PCYT1A: variants seen among roughly 807,000 people sequenced by gnomAD.
The protein encoded by PCYT1A is phosphate cytidylyltransferase 1A, choline.
PCYT1A carries 25 observed loss-of-function variants against 43.7 expected under a neutral mutation model. That is an observed-to-expected ratio of 0.57 (90% confidence interval 0.42 to 0.80). The LOEUF is 0.80. Among genes scored for constraint, PCYT1A ranks in the 30% least tolerant of loss-of-function variants. The pLI, the probability that PCYT1A is intolerant of heterozygous loss-of-function variation, is 0.00. For missense variants in PCYT1A, 421 were observed against 474.2 expected, an observed-to-expected ratio of 0.89 and a Z score of 1.04; for synonymous variants, 172 against 170.7, an observed-to-expected ratio of 1.01 and a Z score of -0.06.
chr3:196,274,124 C>T (rs1577374096), intron 1 of PCYT1A, among the ~76,000 whole-genome samples: 1 of 152,252 alleles, frequency 6.6e-6, no homozygotes, highest in African/African-American at 2.4e-5. Flanking sequence ...CAGGCTTGGC[C>T]TCAACTTTGC....
chr3:196,262,700 A>T (rs1484884396), intron 2 of PCYT1A, among the ~76,000 whole-genome samples: 1 of 152,102 alleles, frequency 6.6e-6, no homozygotes, highest in Non-Finnish European at 1.5e-5. Context: ...TGGCATCCAC[A>T]CTAACAGGAA....
At chr3:196,276,297 T>A (rs1725589934) in intron 1 of PCYT1A, among the ~76,000 whole-genome samples, 1 of 151,892 alleles carries the variant, frequency 6.6e-6, no homozygotes, top group African/African-American at 2.4e-5. Flanking sequence ...TAAACAACTA[T>A]TATTTATCAA....
chr3:196,246,799 G>A (rs1330643900), intron 5 of PCYT1A, among the ~76,000 whole-genome samples: 1 of 152,212 alleles, frequency 6.6e-6, no homozygotes, highest in African/African-American at 2.4e-5. Flanking sequence ...TGCCTATGGT[G>A]TGGGGGGAAG....
chr3:196,256,397 G>C (rs1199254646), intron 3 of PCYT1A, among the ~76,000 whole-genome samples: 1 of 152,060 alleles, frequency 6.6e-6, no homozygotes, highest in Non-Finnish European at 1.5e-5. Context: ...GGCTGGGGCA[G>C]AAGAATTGCT....
chr3:196,246,474 G>A (rs867580308), intron 5 of PCYT1A, among the ~76,000 whole-genome samples: 11 of 151,862 alleles, frequency 7.2e-5, no homozygotes, highest in South Asian at 4.2e-4. Context: ...GGGCTCAAGC[G>A]ATCCTCCCAC....
At chr3:196,258,285 CAAAA>C (rs201725120) in intron 2 of PCYT1A, among the ~76,000 whole-genome samples, 1 of 114,824 alleles carries the variant, frequency 8.7e-6, no homozygotes, top group Non-Finnish European at 1.9e-5. Context: ...GACTCCACCT[CAAAA>C]AAAAAAAAAA....
At chr3:196,262,407 GGCACTCGACGAATTTGTCGTTA>G (rs1484813984) in intron 2 of PCYT1A, among the ~76,000 whole-genome samples, 2 of 152,160 alleles carry the variant, frequency 1.3e-5, no homozygotes, top group African/African-American at 4.8e-5. Context: ...CACAAAAGTA[GGCACTCGACGAATTTGTCGTTA>G]GCTCATTTCC....
intron 1 of PCYT1A, among the ~76,000 whole-genome samples, chr3:196,279,360 A>G (rs1029930336): frequency 2.0e-5 from 3 of 151,762 alleles, no homozygotes; most frequent in African/African-American, 7.3e-5. Context: ...ACTGCTGCCT[A>G]TTCACTCCCT....
chr3:196,280,518 A>T (rs1030803651), intron 1 of PCYT1A, among the ~76,000 whole-genome samples: 2 of 149,840 alleles, frequency 1.3e-5, no homozygotes, highest in Non-Finnish European at 3.0e-5. Flanking sequence ...TTATTATACA[A>T]TATTGGTTTT....
At chr3:196,256,484 T>C (rs1031714699) in intron 3 of PCYT1A, among the ~76,000 whole-genome samples, 4 of 152,110 alleles carry the variant, frequency 2.6e-5, no homozygotes, top group Admixed American at 6.5e-5. Context: ...AGTGAGACTC[T>C]GCCTCAAAAG....
rs1415909044 is a variant in PCYT1A at position 196,235,427 on chromosome 3, T to G, written c.*3261A>C. ...TTTCTCTTCTTCAGGATTTTCAACCTCCTCACATCCCTAACTTTCTTACCC... is the reference window on the plus strand; with the variant it reads ...TTTCTCTTCTTCAGGATTTTCAACCGCCTCACATCCCTAACTTTCTTACCC... On this transcript the variant is annotated 3_prime_UTR_variant, in exon 9 of 9. Coordinates refer to ENST00000431016, the MANE Select transcript of PCYT1A (RefSeq NM_001312673.2). The surrounding 1 kb of genome is among the most constrained non-coding windows in gnomAD (Gnocchi z 4.3). 6.6e-6 allele frequency: 1 copy of G among 152,218 alleles called. No individual in the cohort carries two copies. The highest frequency in any genetic ancestry group is 1.5e-5 in the Non-Finnish European group (1 of 68,040). 9.4% of individuals were successfully genotyped at this position (152,218 alleles called of 1,614,324 possible). A position where few individuals can be genotyped will look rare whatever the true frequency, so the allele number is the denominator to read the frequency against.
Position 196,242,518 on chromosome 3 carries a change from G to T in PCYT1A, c.565+44C>A. On this transcript the variant is annotated intron_variant, in intron 6 of 8. Coordinates refer to ENST00000431016, the MANE Select transcript of PCYT1A (RefSeq NM_001312673.2). The surrounding 1 kb of genome is among the most constrained non-coding windows in gnomAD (Gnocchi z 4.2). ...GCAGCAACATGGCTGAACATCTGCA[G>T]CTGCCCTGAGATCCCCTACAGTGAG... 1 of 1,260,796 alleles carries T rather than the reference G, an allele frequency of 7.9e-7. No individual in the cohort carries two copies. Among genetic ancestry groups the T allele is most frequent in the Non-Finnish European group, 1.2e-6 (1 of 857,006 alleles). The allele number at this position is 1,260,796 out of a possible 1,614,324, so 78.1% of individuals were successfully genotyped here. A position where few individuals can be genotyped will look rare whatever the true frequency, so the allele number is the denominator to read the frequency against.
At chr3:196,239,327 T>A (rs983638247) in intron 8 of PCYT1A, among the ~76,000 whole-genome samples, 3 of 152,248 alleles carry the variant, frequency 2.0e-5, no homozygotes, top group Non-Finnish European at 2.9e-5. Context: ...CACCAGACTT[T>A]AAGGTTGAGA....
At chr3:196,239,095 G>T (rs1233332395) in intron 8 of PCYT1A, among the ~76,000 whole-genome samples, 1 of 152,154 alleles carries the variant, frequency 6.6e-6, no homozygotes, top group Non-Finnish European at 1.5e-5. Context: ...TTCACAGACA[G>T]ATCCTTCCTG....
chr3:196,286,189 A>T (rs1725908975), intron 1 of PCYT1A, among the ~76,000 whole-genome samples: 1 of 149,668 alleles, frequency 6.7e-6, no homozygotes, highest in South Asian at 2.1e-4. Context: ...CAGCCTCCCC[A>T]GTAGCTGGGA....
chr3:196,273,798 C>T lies in PCYT1A; in HGVS notation c.-10-3257G>A, dbSNP rs767868276. 1.7e-4 allele frequency among the ~76,000 whole-genome samples: 26 copies of T among 152,202 alleles called. No individual in the cohort carries two copies. The highest frequency in any genetic ancestry group is 3.1e-4 in the Non-Finnish European group (21 of 68,024). On this transcript the variant is annotated intron_variant, in intron 1 of 8. Coordinates refer to ENST00000431016, the MANE Select transcript of PCYT1A (RefSeq NM_001312673.2). The surrounding 1 kb of genome is among the most constrained non-coding windows in gnomAD (Gnocchi z 4.1). ...GGAAAAAGCATCGTAAGTTCTCATT[C>T]CAGTCCACAGAACTGGCAGCCTGGG...
rs1187481925 is a variant in PCYT1A at position 196,257,654 on chromosome 3, GAGA to G, written c.217+131_217+133del. 8.6e-6 allele frequency: 5 copies of G among 583,100 alleles called. No individual in the cohort carries two copies. The African/African-American group carries it at 9.3e-5, about 11-fold the overall frequency. The allele number at this position is 583,100 out of a possible 1,614,324, so 36.1% of individuals were successfully genotyped here. Reference sequence around the variant, plus strand: ...TTCTAAATAGAACATCAAGACAGGTGAGAAGAACCCCTTCGCTGCTGGCCTTTG... The same window carrying G: ...TTCTAAATAGAACATCAAGACAGGTGAGAACCCCTTCGCTGCTGGCCTTTG... On this transcript the variant is annotated intron_variant, in intron 3 of 8. Coordinates refer to ENST00000431016, the MANE Select transcript of PCYT1A (RefSeq NM_001312673.2).
chr3:196,280,676 A>G (rs909479784), intron 1 of PCYT1A, among the ~76,000 whole-genome samples: 3 of 145,290 alleles, frequency 2.1e-5, no homozygotes, highest in African/African-American at 7.6e-5. Context: ...TTTTCTCCCT[A>G]TATACACAGA....
chr3:196,246,212 G>T lies in PCYT1A; in HGVS notation c.486+1155C>A, dbSNP rs75302827. Among the ~76,000 whole-genome samples, 1,466 of 152,230 alleles carry T rather than the reference G, an allele frequency of 9.6e-3. 18 individuals are homozygous for T. The highest frequency in any genetic ancestry group is 0.032 in the African/African-American group (1,330 of 41,542). ...ATATCCCCTCTTCAGGCCTACCCAC[G>T]TATTGCTTTAGAAGCACTTTGGCTG... On this transcript the variant is annotated intron_variant, in intron 5 of 8. Coordinates refer to ENST00000431016, the MANE Select transcript of PCYT1A (RefSeq NM_001312673.2).
Sources: gnomAD v4.1 joint callset for allele counts (sites outside exome capture counted in the v4.1 genomes callset) on GRCh38, gnomAD v4.1.1 for gene constraint, Gnocchi (gnomAD v3.1) non-coding constraint, MANE v1.5 for transcripts, NCBI Gene and HGNC (gene_info 2026-07-23, HGNC 2026-07-21) for gene names.